Variants in BCAS3 observed in about 807,000 individuals in gnomAD.
BCAS3 encodes BCAS4/BCAS3 fusion.
A neutral mutation model predicts 116.1 loss-of-function variants in BCAS3; 53 were observed. The ratio of observed to expected loss-of-function variants is 0.46; its 90% CI spans 0.37 to 0.57. BCAS3 has a LOEUF of 0.57. BCAS3 is among the 20% of genes least tolerant of loss of function. The pLI is 0.00. For missense variants in BCAS3, 917 were observed against 1,165.4 expected (o/e 0.79, Z 3.10); for synonymous variants, 391 against 408.2 (o/e 0.96, Z 0.51).
intron 5 of BCAS3, among the ~76,000 whole-genome samples, chr17:60,743,030 G>A (rs950130000): frequency 1.3e-5 from 2 of 150,350 alleles, no homozygotes; most frequent in African/African-American, 4.9e-5. Context: ...GGAGAATGGC[G>A]TGAACCCAGG....
chr17:61,179,064 C>T (rs2079317240), intron 22 of BCAS3, among the ~76,000 whole-genome samples: 1 of 151,576 alleles, frequency 6.6e-6, no homozygotes, highest in Admixed American at 6.6e-5. Context: ...TAAATTGGGC[C>T]GTCAGCCTAA....
intron 22 of BCAS3, among the ~76,000 whole-genome samples, chr17:61,291,897 G>A (rs2052450108): frequency 6.6e-6 from 1 of 152,166 alleles, no homozygotes; most frequent in African/African-American, 2.4e-5. Context: ...GGTCCACTGT[G>A]ATAGAAAATA....
rs1415926282 is a variant in BCAS3, at chr17:61,066,195, G to C, written c.2030-8725G>C. 3.9e-5 allele frequency among the ~76,000 whole-genome samples: 6 copies of C among 152,308 alleles called. No homozygotes were observed. In the East Asian group the frequency reaches 1.2e-3, roughly 29 times the overall value. On this transcript the variant is annotated intron_variant, in intron 19 of 23. Transcript: ENST00000407086. ...TTTACAAACAGTGGTACCTGTAGTT[G>C]ATCAGCTATGTCCTCTAAAGCTTCC...
intron 13 of BCAS3, 50 bp from the exon 14 acceptor site, chr17:60,947,169 T>C: frequency 6.5e-7 from 1 of 1,528,476 alleles, no homozygotes; most frequent in East Asian, 2.3e-5. Context: ...GAATATTTCA[T>C]CCACATACAT....
chr17:60,881,709 C>G (rs1054123153), intron 9 of BCAS3, among the ~76,000 whole-genome samples: 3 of 150,520 alleles, frequency 2.0e-5, no homozygotes, highest in African/African-American at 7.3e-5. Flanking sequence ...TTTGGTCTTG[C>G]GATAGTTTAC....
chr17:61,360,155 C>T (rs781081336), intron 22 of BCAS3, among the ~76,000 whole-genome samples: 8 of 152,048 alleles, frequency 5.3e-5, no homozygotes, highest in Non-Finnish European at 1.2e-4. Flanking sequence ...AGATGCACGC[C>T]ACCACACCCG....
chr17:61,072,489 A>G (rs1450156407), intron 19 of BCAS3, among the ~76,000 whole-genome samples: 1 of 151,962 alleles, frequency 6.6e-6, no homozygotes, highest in Non-Finnish European at 1.5e-5. Context: ...AACTCCAACC[A>G]CCCAGTAAAT....
intron 22 of BCAS3, among the ~76,000 whole-genome samples, chr17:61,174,393 A>G (rs2079022124): frequency 6.6e-6 from 1 of 152,202 alleles, no homozygotes; most frequent in Non-Finnish European, 1.5e-5. Flanking sequence ...TCAAATCTGC[A>G]CATAATTGAG....
chr17:61,206,799 C>A (rs2081159619), intron 22 of BCAS3, among the ~76,000 whole-genome samples: 1 of 28,624 alleles, frequency 3.5e-5, no homozygotes, highest in Admixed American at 6.2e-4. Context: ...GAAACTCTGT[C>A]TCAAAAAAAA....
intron 22 of BCAS3, among the ~76,000 whole-genome samples, chr17:61,311,319 T>C (rs2054287950): frequency 6.6e-6 from 1 of 152,214 alleles, no homozygotes; most frequent in Admixed American, 6.5e-5. Flanking sequence ...AAACCAACTT[T>C]CTTTTGAAAA....
At position 61,282,116 on chromosome 17, in the gene BCAS3, A is replaced by G. The variant is rs930349642; in HGVS notation, c.2426-86211A>G. ...TATCTAATAAGATCAAGTGAATTTA[A>G]TATATGAGAAAGTCCTTTTTAAAGT... On this transcript the variant is annotated intron_variant, in intron 22 of 23. Transcript: ENST00000407086. This position sits in a 1 kb window ranked among gnomAD's most constrained non-coding sequence, Gnocchi z 5.9. Among the ~76,000 whole-genome samples, 3 of 152,220 alleles carry G rather than the reference A, an allele frequency of 2.0e-5. No individual in the cohort carries two copies. Among genetic ancestry groups the G allele is most frequent in the Non-Finnish European group, 4.4e-5 (3 of 68,028 alleles).
chr17:60,855,991 A>G (rs1455134575), intron 7 of BCAS3, among the ~76,000 whole-genome samples: 2 of 151,518 alleles, frequency 1.3e-5, no homozygotes, highest in Admixed American at 6.6e-5. Context: ...GCTGTTTTGT[A>G]TTTTCTTTGT....
At chr17:61,046,033 ATT>A (rs1331009435) in intron 19 of BCAS3, among the ~76,000 whole-genome samples, 1 of 12,150 alleles carries the variant, frequency 8.2e-5, no homozygotes, top group Non-Finnish European at 1.2e-4. Flanking sequence ...TTATATATAT[ATT>A]TATATATATA....
At chr17:60,747,724 T>G (rs183722491) in intron 6 of BCAS3, among the ~76,000 whole-genome samples, 3 of 152,300 alleles carry the variant, frequency 2.0e-5, no homozygotes, top group Admixed American at 2.0e-4. Context: ...ACTTATGCCA[T>G]GGAGAGCTTG....
intron 6 of BCAS3, among the ~76,000 whole-genome samples, chr17:60,779,526 C>T (rs1209204359): frequency 2.0e-5 from 3 of 151,938 alleles, no homozygotes; most frequent in South Asian, 2.1e-4. Flanking sequence ...TGTGCCACAA[C>T]GCCTAGCTAA....
rs1334549758 is a variant in BCAS3 at position 60,777,480 on chromosome 17, G to T, written c.403+30201G>T. On this transcript the variant is annotated intron_variant, in intron 6 of 23. Coordinates refer to ENST00000407086, the MANE Select transcript of BCAS3 (RefSeq NM_017679.5). ...CCTCTACTAAAATTACAAAAAATGG[G>T]CCGGGTGTGGTGGTGGGCGCCTGTA... 2.6e-5 allele frequency among the ~76,000 whole-genome samples: 4 copies of T among 151,878 alleles called. No homozygotes were observed. In the South Asian group the frequency reaches 6.3e-4, roughly 24 times the overall value.
chr17:61,388,521 C>G lies in BCAS3; in HGVS notation c.2594-3456C>G. The G allele has an allele frequency of 1.1e-5, 14 of 1,240,840 alleles. No homozygotes were observed. Among genetic ancestry groups the G allele is most frequent in the Non-Finnish European group, 1.6e-5 (14 of 898,400 alleles). The allele number at this position is 1,240,840 out of a possible 1,614,324, so 76.9% of individuals were successfully genotyped here. On this transcript the variant is annotated intron_variant, in intron 23 of 23. Transcript: ENST00000407086. This position sits in a 1 kb window ranked among gnomAD's most constrained non-coding sequence, Gnocchi z 6.5. ...TCCTCACGGTGTGCCCCTGCGCCTCCTGACACCTCTCCACCTGCTTGCAGA... is the reference window on the plus strand; with the variant it reads ...TCCTCACGGTGTGCCCCTGCGCCTCGTGACACCTCTCCACCTGCTTGCAGA...
intron 22 of BCAS3, among the ~76,000 whole-genome samples, chr17:61,268,969 C>G (rs1019509042): frequency 6.6e-6 from 1 of 151,956 alleles, no homozygotes; most frequent in Non-Finnish European, 1.5e-5. Flanking sequence ...GAATAATATT[C>G]CCCTGTATAT....
rs1440325441 is a variant in BCAS3 at position 61,324,511 on chromosome 17, T to C, written c.2426-43816T>C. On this transcript the variant is annotated intron_variant, in intron 22 of 23. Transcript: ENST00000407086. This position sits in a 1 kb window ranked among gnomAD's most constrained non-coding sequence, Gnocchi z 4.6. ...ATATCCTGACTATGGTATATCTATA[T>C]ATATCCTGACCCCGGGTTGGCTGTG... Among the ~76,000 whole-genome samples the C allele has an allele frequency of 6.6e-6, 1 of 152,228 alleles. No homozygotes were observed. The highest frequency in any genetic ancestry group is 6.5e-5 in the Admixed American group (1 of 15,282).
Sources: allele counts gnomAD v4.1 joint callset (sites outside exome capture counted in the v4.1 genomes callset), GRCh38; gene constraint gnomAD v4.1.1; non-coding constraint Gnocchi (gnomAD v3.1); transcripts MANE v1.5; gene names NCBI Gene and HGNC (gene_info 2026-07-23, HGNC 2026-07-21).